SLC20A2: variants seen among roughly 807,000 people sequenced by gnomAD.
The protein encoded by SLC20A2 is sodium-dependent phosphate transporter 2.
A neutral mutation model predicts 61.0 loss-of-function variants in SLC20A2; 30 were observed. The ratio of observed to expected loss-of-function variants is 0.49; its 90% CI spans 0.37 to 0.67. SLC20A2 has a LOEUF of 0.67. SLC20A2 is among the 30% of genes least tolerant of loss of function. The probability of loss-of-function intolerance (pLI) is 0.00; values close to 1 mark genes in which losing one functional copy is unlikely to be tolerated. For synonymous variants in SLC20A2, 351 were observed against 353.3 expected (o/e 0.99, Z 0.07); for missense variants, 626 against 866.4 (o/e 0.72, Z 3.48).
At chr8:42,499,814 TA>T (rs1432321835) in intron 1 of SLC20A2, among the ~76,000 whole-genome samples, 1 of 152,250 alleles carries the variant, frequency 6.6e-6, no homozygotes, top group Non-Finnish European at 1.5e-5. Context: ...GTTATCATTA[TA>T]ATTCATCTGG....
chr8:42,438,419 G>A (rs936667251), intron 7 of SLC20A2, among the ~76,000 whole-genome samples: 1 of 152,016 alleles, frequency 6.6e-6, no homozygotes, highest in East Asian at 1.9e-4. Flanking sequence ...TCATTCTCCC[G>A]CCTGAGCCTC....
At chr8:42,429,958 G>A (rs1056405650) in intron 9 of SLC20A2, 106 bp downstream of exon 9, 10 of 922,422 alleles carry the variant, frequency 1.1e-5, no homozygotes, top group Admixed American at 3.2e-5. Flanking sequence ...CCTGTGACCC[G>A]CTGCCAACTG....
At chr8:42,436,889 C>A in intron 8 of SLC20A2, 100 bp downstream of exon 8, 1 of 1,093,454 alleles carries the variant, frequency 9.1e-7, no homozygotes, top group South Asian at 1.6e-5. Flanking sequence ...GCAGGGACTT[C>A]CATCGGTGCC....
intron 5 of SLC20A2, among the ~76,000 whole-genome samples, chr8:42,455,913 G>A (rs1297102287): frequency 1.3e-5 from 2 of 152,144 alleles, no homozygotes; most frequent in Non-Finnish European, 2.9e-5. Flanking sequence ...ATTACCAAGA[G>A]TAGTTGGGAG....
intron 6 of SLC20A2, among the ~76,000 whole-genome samples, chr8:42,443,639 T>C (rs1804974334): frequency 6.6e-6 from 1 of 151,876 alleles, no homozygotes; most frequent in African/African-American, 2.4e-5. Flanking sequence ...CAAAAATGCA[T>C]ACATTTTAAG....
rs111283833 is a variant in SLC20A2 at position 42,454,386 on chromosome 8, C to T, written c.613+5510G>A. Among the ~76,000 whole-genome samples the T allele has an allele frequency of 1.5e-3, 226 of 152,228 alleles. 3 individuals are homozygous for T. Among genetic ancestry groups the T allele is most frequent in the African/African-American group, 4.7e-3 (196 of 41,548 alleles). On this transcript the variant is annotated intron_variant, in intron 5 of 10. Transcript: ENST00000520262. Reference sequence around the variant, plus strand: ...ACTGTATGAAGCATTGATTATGTGCCGGGCACTGTGCCAGGTACCCCACCT... The same window carrying T: ...ACTGTATGAAGCATTGATTATGTGCTGGGCACTGTGCCAGGTACCCCACCT...
At position 42,463,676 on chromosome 8, in the gene SLC20A2, G is replaced by A. The variant is rs112423406; in HGVS notation, c.431-586C>T. On this transcript the variant is annotated intron_variant, in intron 3 of 10. Coordinates refer to ENST00000520262, the MANE Select transcript of SLC20A2 (RefSeq NM_001257180.2). ...TTCTGATTTAAAAGGTTGGGAATGG[G>A]GTTTGGGCATTGGTATTTTTCAATC... is the stretch of plus-strand genomic sequence containing the variant. Among the ~76,000 whole-genome samples the A allele has an allele frequency of 1.4e-3, 212 of 152,230 alleles. 2 individuals are homozygous for A. Among genetic ancestry groups the A allele is most frequent in the African/African-American group, 5.0e-3 (206 of 41,534 alleles).
At chr8:42,502,715 T>C (rs1810400189), upstream of SLC20A2, 1 of 152,250 alleles carries the variant, frequency 6.6e-6, no homozygotes, top group South Asian at 2.1e-4. Flanking sequence ...CCCAGAGTCA[T>C]GGGAGGCAGG....
intron 1 of SLC20A2, among the ~76,000 whole-genome samples, chr8:42,533,654 C>CTTTTTTTTTTTTTTTTTTTTTTTTTTT (rs1162369065): frequency 2.2e-4 from 12 of 55,294 alleles, no homozygotes; most frequent in Non-Finnish European, 3.3e-4. Context: ...ATCAACTGTT[C>CTTTTTTTTTTTTTTTTTTTTTTTTTTT]TTTTTTTTTT....
chr8:42,440,133 T>C (rs1038350426), intron 6 of SLC20A2, among the ~76,000 whole-genome samples: 1 of 150,830 alleles, frequency 6.6e-6, no homozygotes, highest in African/African-American at 2.4e-5. Flanking sequence ...GTTCAATTAA[T>C]TACCTGGAAA....
intron 1 of SLC20A2, among the ~76,000 whole-genome samples, chr8:42,522,372 CA>C (rs1293587055): frequency 8.2e-6 from 1 of 121,658 alleles, no homozygotes; most frequent in Non-Finnish European, 2.0e-5. Context: ...AATTTCAAAG[CA>C]AAAAGGGTTA....
chr8:42,462,003 A>G (rs1425681768), intron 4 of SLC20A2, among the ~76,000 whole-genome samples: 3 of 152,224 alleles, frequency 2.0e-5, no homozygotes, highest in Admixed American at 6.5e-5. Context: ...ATGCAGCACC[A>G]TATGACATGC....
intron 1 of SLC20A2, among the ~76,000 whole-genome samples, chr8:42,508,570 T>C (rs1206659595): frequency 6.6e-6 from 1 of 151,956 alleles, no homozygotes; most frequent in Admixed American, 6.6e-5. Context: ...TTTGTATTTT[T>C]AGTAGAGATG....
chr8:42,511,075 G>C (rs1267073420), intron 1 of SLC20A2, among the ~76,000 whole-genome samples: 3 of 152,008 alleles, frequency 2.0e-5, no homozygotes, highest in Non-Finnish European at 2.9e-5. Flanking sequence ...ATGCCTGAAA[G>C]GACCCTCAAA....
intron 1 of SLC20A2, among the ~76,000 whole-genome samples, chr8:42,520,320 T>A (rs1158501267): frequency 6.6e-6 from 1 of 151,772 alleles, no homozygotes; most frequent in African/African-American, 2.4e-5. Flanking sequence ...AGCCTCTTTA[T>A]GCCCATCTTT....
intron 1 of SLC20A2, among the ~76,000 whole-genome samples, chr8:42,507,137 C>T (rs116745009): frequency 1.5e-3 from 222 of 152,314 alleles, no homozygotes; most frequent in African/African-American, 5.0e-3. Context: ...CTCCGGTGCC[C>T]TACAGAACTG....
intron 5 of SLC20A2, among the ~76,000 whole-genome samples, chr8:42,452,502 GAAGAGGAGGAGGAAGAGATA>G (rs1352531704): frequency 1.3e-5 from 2 of 149,698 alleles, no homozygotes; most frequent in Non-Finnish European, 3.0e-5. Context: ...AGGAAGAGAT[GAAGAGGAGGAGGAAGAGATA>G]AAGAGGAGGA....
chr8:42,474,393 A>G (rs1807893727), intron 1 of SLC20A2, among the ~76,000 whole-genome samples: 2 of 152,210 alleles, frequency 1.3e-5, no homozygotes, highest in Admixed American at 6.5e-5. Context: ...AATGAAACAG[A>G]AAATATACAT....
At chr8:42,524,794 T>TAAATAAAG (rs1811818273) in intron 1 of SLC20A2, among the ~76,000 whole-genome samples, 1 of 149,446 alleles carries the variant, frequency 6.7e-6, no homozygotes, top group African/African-American at 2.4e-5. Context: ...CTCAAATAAA[T>TAAATAAAG]AAATAAATAA....
Sources: gnomAD v4.1 joint callset for allele counts (sites outside exome capture counted in the v4.1 genomes callset) on GRCh38, gnomAD v4.1.1 for gene constraint, MANE v1.5 for transcripts, NCBI Gene and HGNC (gene_info 2026-07-23, HGNC 2026-07-21) for gene names.